C4orf51: variants seen among roughly 807,000 people sequenced by gnomAD.
C4orf51 encodes uncharacterized protein C4orf51.
A neutral mutation model predicts 25.2 loss-of-function variants in C4orf51; 25 were observed. The ratio of observed to expected loss-of-function variants is 0.99; its 90% CI spans 0.72 to 1.39. C4orf51 has a LOEUF of 1.39. Among genes scored for constraint, C4orf51 ranks in the 40% most tolerant of loss-of-function variants. The pLI is 0.00. For missense variants in C4orf51, 252 were observed against 239.6 expected (o/e 1.05, Z -0.34); for synonymous variants, 100 against 84.5 (o/e 1.18, Z -1.01).
chr4:145,779,562 T>A, the C4orf51 span: 1 of 1,588,700 alleles, frequency 6.3e-7, no homozygotes, highest in African/African-American at 1.4e-5. Flanking sequence ...AAGAATACAT[T>A]TTCTGTTAGT....
At chr4:145,764,703 T>C (rs745601303) in intron 1 of C4orf51, 30 of 432,620 alleles carry the variant, frequency 6.9e-5, no homozygotes, top group Non-Finnish European at 1.1e-4. Context: ...ACTCAAGCAG[T>C]GTAGTCTATT....
the C4orf51 span, among the ~76,000 whole-genome samples, chr4:145,787,260 C>T: frequency 1.3e-4 from 20 of 152,024 alleles, no homozygotes; most frequent in African/African-American, 4.1e-4. Context: ...GTCAGGAGTT[C>T]GAGAACAGCC....
At chr4:145,773,452 T>C (rs1426085436), downstream of C4orf51, among the ~76,000 whole-genome samples, 1 of 152,172 alleles carries the variant, frequency 6.6e-6, no homozygotes, top group Non-Finnish European at 1.5e-5. Context: ...GTCAGGGAAA[T>C]TCCCCTTCCC....
intron 1 of C4orf51, among the ~76,000 whole-genome samples, chr4:145,750,492 A>G (rs915218086): frequency 6.6e-6 from 1 of 151,426 alleles, no homozygotes; most frequent in African/African-American, 2.4e-5. Flanking sequence ...GTTTCCACTG[A>G]AAAGTCTGCT....
downstream of C4orf51, among the ~76,000 whole-genome samples, chr4:145,756,033 CCA>C (rs1385467318): frequency 2.6e-5 from 4 of 152,204 alleles, no homozygotes; most frequent in African/African-American, 7.2e-5. Context: ...TCCTTCGTCC[CCA>C]CAGACTGAAG....
rs375816062 is a variant in C4orf51, at chr4:145,706,324, A to G, written c.307+9692A>G. 1.4e-4 allele frequency among the ~76,000 whole-genome samples: 21 copies of G among 152,324 alleles called. No homozygotes were observed. The East Asian group carries it at 1.7e-3, about 13-fold the overall frequency. On this transcript the variant is annotated intron_variant, in intron 2 of 5. Coordinates refer to ENST00000438731, the MANE Select transcript of C4orf51 (RefSeq NM_001080531.3). Reference sequence around the variant, plus strand: ...GGCTTTAATGAAACTGTGTTCCATAAGGAATTTCAGGTAAGACTTTTTTAA... The same window carrying G: ...GGCTTTAATGAAACTGTGTTCCATAGGGAATTTCAGGTAAGACTTTTTTAA...
chr4:145,774,451 T>C, downstream of C4orf51: 1 of 1,564,750 alleles, frequency 6.4e-7, no homozygotes, highest in Non-Finnish European at 8.7e-7. Flanking sequence ...TGGCAGGTGC[T>C]CTGGGGTGCA....
chr4:145,746,184 GT>G (rs869144288), intron 1 of C4orf51, among the ~76,000 whole-genome samples: 1 of 54,922 alleles, frequency 1.8e-5, no homozygotes, highest in Non-Finnish European at 6.5e-5. Context: ...TCTTCACTTT[GT>G]TTGTTTCCTT....
chr4:145,751,929 C>T (rs4323130), intron 1 of C4orf51, among the ~76,000 whole-genome samples: 29,088 of 152,236 alleles, frequency 0.19, 3,774 homozygotes, highest in East Asian at 0.67. Flanking sequence ...ACTACCATCA[C>T]GTGCCCACAA....
At chr4:145,791,853 A>C in the C4orf51 span, among the ~76,000 whole-genome samples, 1 of 152,262 alleles carries the variant, frequency 6.6e-6, no homozygotes, top group African/African-American at 2.4e-5. Context: ...ATCAAGGCAC[A>C]GAATTGATTA....
chr4:145,739,993 T>C (rs1733005951), intron 1 of C4orf51, among the ~76,000 whole-genome samples: 1 of 152,082 alleles, frequency 6.6e-6, no homozygotes, highest in Non-Finnish European at 1.5e-5. Context: ...AGCAATAGCA[T>C]CTCTGAGCAA....
At position 145,732,611 on chromosome 4, in the gene C4orf51, A is replaced by G. The variant is rs1732540868; in HGVS notation, c.*51A>G. On this transcript the variant is annotated 3_prime_UTR_variant, in exon 6 of 6. Coordinates refer to ENST00000438731, the MANE Select transcript of C4orf51 (RefSeq NM_001080531.3). ...GAGGCGTGGAGTTTGCTTAATAAACAACTTTGAGGTATGGGGCCCTCCCAA... is the reference window on the plus strand; with the variant it reads ...GAGGCGTGGAGTTTGCTTAATAAACGACTTTGAGGTATGGGGCCCTCCCAA... 4 of 1,325,290 alleles carry G rather than the reference A, an allele frequency of 3.0e-6. No homozygotes were observed. The highest frequency in any genetic ancestry group is 4.3e-6 in the Non-Finnish European group (4 of 939,684). The allele number at this position is 1,325,290 out of a possible 1,614,324, so 82.1% of individuals were successfully genotyped here. A position where few individuals can be genotyped will look rare whatever the true frequency, so the allele number is the denominator to read the frequency against.
At chr4:145,729,666 C>A (rs1732352665) in intron 4 of C4orf51, among the ~76,000 whole-genome samples, 1 of 152,142 alleles carries the variant, frequency 6.6e-6, no homozygotes, top group Non-Finnish European at 1.5e-5. Context: ...CACATTGTTA[C>A]ATCATTTTAT....
At chr4:145,737,062 A>G (rs897903185), downstream of C4orf51, among the ~76,000 whole-genome samples, 3 of 151,980 alleles carry the variant, frequency 2.0e-5, no homozygotes, top group Non-Finnish European at 4.4e-5. Context: ...CTCCTTATCT[A>G]CCAGTCCATA....
chr4:145,766,381 C>A (rs1735298707), intron 1 of C4orf51, among the ~76,000 whole-genome samples: 1 of 152,120 alleles, frequency 6.6e-6, no homozygotes, highest in African/African-American at 2.4e-5. Context: ...ACAAAATATA[C>A]CAAATGCTAG....
Position 145,680,176 on chromosome 4 carries a change from T to C in C4orf51, c.-28T>C, listed in dbSNP as rs1258226534. On this transcript the variant is annotated 5_prime_UTR_variant, in exon 1 of 6. Coordinates refer to ENST00000438731, the MANE Select transcript of C4orf51 (RefSeq NM_001080531.3). ...TTCATTATGCAGAGGACTTGACAAGTTGTTTTCCAGAGAGGCCGTTCGTAG... is the reference window on the plus strand; with the variant it reads ...TTCATTATGCAGAGGACTTGACAAGCTGTTTTCCAGAGAGGCCGTTCGTAG... The C allele has an allele frequency of 2.2e-5, 34 of 1,518,818 alleles. No homozygotes were observed. The highest frequency in any genetic ancestry group is 3.0e-5 in the Non-Finnish European group (33 of 1,093,850). 94.1% of individuals were successfully genotyped at this position (1,518,818 alleles called of 1,614,324 possible).
downstream of C4orf51, among the ~76,000 whole-genome samples, chr4:145,733,649 C>T (rs1732635989): frequency 6.6e-6 from 1 of 152,180 alleles, no homozygotes; most frequent in Admixed American, 6.5e-5. Context: ...ACCACCCCTG[C>T]CTCCCGCCCC....
intron 2 of C4orf51, among the ~76,000 whole-genome samples, chr4:145,719,203 C>T (rs1323882793): frequency 1.3e-5 from 2 of 152,156 alleles, no homozygotes; most frequent in African/African-American, 4.8e-5. Context: ...CCATGGTTGG[C>T]TTTTCCTTCC....
At chr4:145,781,526 G>C in the C4orf51 span, among the ~76,000 whole-genome samples, 1 of 152,202 alleles carries the variant, frequency 6.6e-6, no homozygotes, top group Non-Finnish European at 1.5e-5. Flanking sequence ...TGATTCATCT[G>C]TGTTTGTTAA....
Sources: gnomAD v4.1 joint callset for allele counts (sites outside exome capture counted in the v4.1 genomes callset) on GRCh38, gnomAD v4.1.1 for gene constraint, MANE v1.5 for transcripts, NCBI Gene and HGNC (gene_info 2026-07-23, HGNC 2026-07-21) for gene names.